Variants in HSPG2 observed in about 807,000 individuals in gnomAD.
HSPG2 encodes the protein basement membrane-specific heparan sulfate proteoglycan core protein.
In HSPG2, 278 loss-of-function variants were observed where a neutral mutation model predicts 526.6. The observed-to-expected ratio is 0.53, with a 90% confidence interval of 0.48 to 0.58. HSPG2 has a LOEUF of 0.58. Ranked by LOEUF, HSPG2 falls within the 20% of genes least tolerant of loss-of-function variation. HSPG2 has a pLI of 0.00. For missense variants in HSPG2, 5,354 were observed against 6,099.5 expected (o/e 0.88, Z 4.07); for synonymous variants, 2,465 against 2,555.4 (o/e 0.96, Z 1.07).
At chr1:21,841,355 C>T (rs935012109) in intron 70 of HSPG2, 70 bp from the exon 71 acceptor site, 2 of 1,597,544 alleles carry the variant, frequency 1.3e-6, no homozygotes, top group African/African-American at 2.7e-5. Context: ...GCCATGGCCT[C>T]CAGCTTAGTA....
Position 21,884,601 on chromosome 1 carries a change from G to C in HSPG2, c.1581C>G (p.Thr527=). The part of the protein sequence containing the change: ...ACLPCFCFGI[T]SVCQSTRRFR... ...AGCGGCGGGTGCTCTGGCACACGCTGGTGATGCCAAAGCAGAAGCAGGGCA... is the reference window on the plus strand; with the variant it reads ...AGCGGCGGGTGCTCTGGCACACGCTCGTGATGCCAAAGCAGAAGCAGGGCA... Residue 527 remains threonine (T), a synonymous_variant, in exon 13 of 97, where the codon ACC becomes ACG. Transcript: ENST00000374695. 6.2e-7 allele frequency: 1 copy of C among 1,610,858 alleles called. No individual in the cohort carries two copies. Among genetic ancestry groups the C allele is most frequent in the Non-Finnish European group, 8.5e-7 (1 of 1,179,798 alleles).
Position 21,842,811 on chromosome 1 carries a change from T to C in HSPG2, c.8869A>G (p.Thr2957Ala). The change falls in exon 67 of 97, where the codon ACG becomes GCG. Residue 2957 changes from threonine (T) to alanine (A), a missense_variant. Thr to Ala is a moderately conservative substitution (Grantham distance 58). Coordinates refer to ENST00000374695, the MANE Select transcript of HSPG2 (RefSeq NM_005529.7). ...AGGCTGCCCCCGCGCTTGTACCACG[T>C]GACCTGGGCATGGGCCTGCCCGGGC... The part of the protein sequence containing the change: ...VVPGQAHAQV[T>A]WYKRGGSLPA... The C allele has an allele frequency of 6.2e-7, 1 of 1,613,850 alleles. No individual in the cohort carries two copies.
chr1:21,876,234 C>T lies in HSPG2; in HGVS notation c.2998G>A (p.Asp1000Asn), dbSNP rs1306349617. ...CCTTTCCACCCACTACCCACCTTGT[C>T]CCCCAGGAAGCGTGAAGGGAGGCTC... ...FWSLPSRFLG[D>N]KVTSYGGELR... The change falls in exon 23 of 97, where the codon GAC (aspartate) becomes AAC (asparagine). Residue 1000 changes from aspartate (D) to asparagine (N), a missense_variant. Physicochemically the swap from Asp to Asn is conservative, Grantham distance 23. Transcript: ENST00000374695. 4.4e-6 allele frequency: 7 copies of T among 1,606,848 alleles called. No homozygotes were observed. Among genetic ancestry groups the T allele is most frequent in the Admixed American group, 3.4e-5 (2 of 58,568 alleles).
rs751458185 is a variant in HSPG2, at chr1:21,872,236, C to T, written c.4171G>A (p.Gly1391Ser). The T allele has an allele frequency of 4.1e-5, 64 of 1,552,480 alleles. No homozygotes were observed. The Admixed American group carries it at 8.6e-4, about 21-fold the overall frequency. The change falls in exon 33 of 97, where the codon GGC (glycine) becomes AGC (serine). Residue 1391 changes from glycine (G) to serine (S), a missense_variant. Physicochemically the swap from Gly to Ser is moderately conservative, Grantham distance 56 (BLOSUM62 0). Transcript: ENST00000374695. This position sits in a 1 kb window ranked among gnomAD's most constrained non-coding sequence, Gnocchi z 5.5. ...AGCTGCCAGTAGAAGGACTCATGGC[C>T]GAGTTGGGCAAAGTTGCCAAAAGAG... ...QLSFGNFAQLGHESFYWQLPE... is the reference protein window; with the variant it reads ...QLSFGNFAQLSHESFYWQLPE...
chr1:21,900,745 C>T (rs370121097), intron 1 of HSPG2, among the ~76,000 whole-genome samples: 8 of 152,064 alleles, frequency 5.3e-5, no homozygotes, highest in African/African-American at 1.7e-4. Flanking sequence ...ATTAGCCCAG[C>T]GCGGTGGTGC....
At chr1:21,874,086 G>A (rs1572317254) in intron 28 of HSPG2, 75 bp from the exon 29 acceptor site, 1 of 1,305,022 alleles carries the variant, frequency 7.7e-7, no homozygotes, top group Middle Eastern at 1.8e-4. Context: ...TCAGGACCAG[G>A]GGAGAGGGGA....
chr1:21,861,666 G>T, intron 39 of HSPG2, 91 bp downstream of exon 39: 1 of 1,189,624 alleles, frequency 8.4e-7, no homozygotes, highest in South Asian at 1.3e-5. Context: ...AATCCTAGAA[G>T]AGACTTTTCT....
chr1:21,906,233 T>G (rs1572420807), intron 1 of HSPG2, among the ~76,000 whole-genome samples: 2 of 152,272 alleles, frequency 1.3e-5, no homozygotes, highest in East Asian at 1.9e-4. Flanking sequence ...AGGCTGCCCA[T>G]AGTCACTGAA....
chr1:21,855,138 C>T (rs1159467240), intron 47 of HSPG2, among the ~76,000 whole-genome samples, 155 bp from the exon 48 acceptor site: 4 of 149,886 alleles, frequency 2.7e-5, no homozygotes, highest in African/African-American at 5.1e-5. Context: ...GCCAAGAGGA[C>T]GGCAGGGGCT....
Position 21,865,402 on chromosome 1 carries a change from G to T in HSPG2, c.4315-37C>A, listed in dbSNP as rs368640401. The T allele has an allele frequency of 6.3e-7, 1 of 1,584,456 alleles. No homozygotes were observed. Among genetic ancestry groups the T allele is most frequent in the Non-Finnish European group, 8.7e-7 (1 of 1,153,628 alleles). Reference sequence around the variant, plus strand: ...CCAGCAGGATTGGAAGGGGAGCCGAGGGGTCCCTGGGGTGCCAGGGTGTCC... The same window carrying T: ...CCAGCAGGATTGGAAGGGGAGCCGATGGGTCCCTGGGGTGCCAGGGTGTCC... On this transcript the variant is annotated intron_variant, in intron 34 of 96. Coordinates refer to ENST00000374695, the MANE Select transcript of HSPG2 (RefSeq NM_005529.7). The surrounding 1 kb of genome is among the most constrained non-coding windows in gnomAD (Gnocchi z 5.4).
At position 21,880,815 on chromosome 1, in the gene HSPG2, G is replaced by A; in HGVS notation, c.1839C>T (p.Ser613=). ...ACTCGTAGCGCACGTTGTAACGCAG[G>A]GAGCCGCCATAGGAGTCCACCTGGC... ...LGNKVDSYGG[S]LRYNVRYELA... is the part of the protein sequence containing the mutation. The change falls in exon 15 of 97, where the codon TCC becomes TCT. Residue 613 remains serine, a synonymous_variant. Transcript: ENST00000374695. The A allele has an allele frequency of 6.3e-7, 1 of 1,594,428 alleles. No individual in the cohort carries two copies. The highest frequency in any genetic ancestry group is 8.5e-7 in the Non-Finnish European group (1 of 1,171,674).
At chr1:21,881,595 T>C (rs1349374384) in intron 13 of HSPG2, 93 bp from the exon 14 acceptor site, 1 of 1,181,954 alleles carries the variant, frequency 8.5e-7, no homozygotes, top group African/African-American at 1.5e-5. Context: ...GTGGGAAAGT[T>C]CTAGTGGAAA....
At chr1:21,909,942 C>A (rs1467602607) in intron 1 of HSPG2, among the ~76,000 whole-genome samples, 2 of 152,202 alleles carry the variant, frequency 1.3e-5, no homozygotes, top group African/African-American at 4.8e-5. Context: ...CCACCAGGCT[C>A]CCCCCTCAGC....
In HSPG2 at chr1:21,844,247, T is replaced by C. The variant is rs1024072814; in HGVS notation, c.8517A>G (p.Ala2839=). The change falls in exon 65 of 97, where the codon GCA becomes GCG. Residue 2839 remains alanine (A), a synonymous_variant. Coordinates refer to ENST00000374695, the MANE Select transcript of HSPG2 (RefSeq NM_005529.7). ...ACTTCAGATCCAGGGTCTGCCCTTC[T>C]GCCACTCGGGAGGAGGAGGGCTCGA... is the stretch of plus-strand genomic sequence containing the variant. ...IRIEPSSSRV[A]EGQTLDLKCV... 1.2e-6 allele frequency: 2 copies of C among 1,613,636 alleles called. No homozygotes were observed. Among genetic ancestry groups the C allele is most frequent in the Non-Finnish European group, 1.7e-6 (2 of 1,180,018 alleles).
In HSPG2 at chr1:21,908,123, G is replaced by A. The variant is rs544465252; in HGVS notation, c.64-11813C>T. On this transcript the variant is annotated intron_variant, in intron 1 of 96. Coordinates refer to ENST00000374695, the MANE Select transcript of HSPG2 (RefSeq NM_005529.7). The stretch of plus-strand genomic sequence containing the variant: ...ATGACGAACACAAAGGGAAAGAGGA[G>A]AGGCACCCAATAGATGTTCTCCAGG... 3.5e-4 allele frequency: 287 copies of A among 817,416 alleles called. 1 individual carries two copies. The South Asian group carries it at 3.6e-3, about 10-fold the overall frequency. 50.6% of individuals were successfully genotyped at this position (817,416 alleles called of 1,614,324 possible).
intron 10 of HSPG2, 39 bp from the exon 11 acceptor site, chr1:21,885,196 A>AGGAAGGAGGAGC: frequency 1.3e-6 from 2 of 1,599,248 alleles, no homozygotes; most frequent in Non-Finnish European, 1.7e-6. Flanking sequence ...TCGGGGGCAA[A>AGGAAGGAGGAGC]GGAAGGAGGA....
At position 21,909,629 on chromosome 1, in the gene HSPG2, G is replaced by A. The variant is rs955290619; in HGVS notation, c.64-13319C>T. 3.9e-5 allele frequency among the ~76,000 whole-genome samples: 6 copies of A among 152,212 alleles called. No individual in the cohort carries two copies. In the South Asian group the frequency reaches 1.0e-3, roughly 26 times the overall value. ...AGTCTGCTGACCATGACCCTTTGAA[G>A]CTGAAGCCAGGGGCAGAGGCTACAG... On this transcript the variant is annotated intron_variant, in intron 1 of 96. Coordinates refer to ENST00000374695, the MANE Select transcript of HSPG2 (RefSeq NM_005529.7).
chr1:21,833,307 A>G lies in HSPG2; in HGVS notation c.11056T>C (p.Phe3686Leu). ...LPTIKDAYRK[F>L]EIKITFRPDS... ...GGCCGGAAGGTGATCTTGATCTCGA[A>G]CTTCCTGTAGGCATCCTTGATGGTG... Residue 3686 changes from phenylalanine (F) to leucine (L), a missense_variant, in exon 80 of 97, where the codon TTC (phenylalanine) becomes CTC (leucine). By Grantham distance (22) the Phe-to-Leu change is conservative (BLOSUM62 0). Coordinates refer to ENST00000374695, the MANE Select transcript of HSPG2 (RefSeq NM_005529.7). 6.2e-7 allele frequency: 1 copy of G among 1,614,112 alleles called. No individual in the cohort carries two copies. The highest frequency in any genetic ancestry group is 8.5e-7 in the Non-Finnish European group (1 of 1,180,012).
intron 14 of HSPG2, 152 bp downstream of exon 14, chr1:21,881,187 G>C: frequency 1.0e-6 from 1 of 968,840 alleles, no homozygotes; most frequent in South Asian, 1.4e-5. Context: ...GAGAGGTCCT[G>C]CCCTGAATGG....
Sources: allele counts gnomAD v4.1 joint callset (sites outside exome capture counted in the v4.1 genomes callset), GRCh38; gene constraint gnomAD v4.1.1; non-coding constraint Gnocchi (gnomAD v3.1); transcripts MANE v1.5; gene names NCBI Gene and HGNC (gene_info 2026-07-23, HGNC 2026-07-21).